The following KCNAB1 variants were observed in gnomAD, a reference collection of about 807,000 sequenced individuals.
The protein encoded by KCNAB1 is voltage-gated potassium channel subunit beta-1.
In KCNAB1, 35 loss-of-function variants were observed where a neutral mutation model predicts 64.6. That is an observed-to-expected ratio of 0.54 (90% confidence interval 0.41 to 0.72). The LOEUF (loss-of-function observed/expected upper bound fraction) is 0.72. Ranked by LOEUF, KCNAB1 falls within the 30% of genes least tolerant of loss-of-function variation. The pLI is 0.00. For synonymous variants in KCNAB1, 177 were observed against 183.8 expected (o/e 0.96, Z 0.30); for missense variants, 401 against 512.9 (o/e 0.78, Z 2.11).
chr3:156,321,361 G>T (rs184009842), intron 1 of KCNAB1, among the ~76,000 whole-genome samples: 6 of 152,284 alleles, frequency 3.9e-5, no homozygotes, highest in African/African-American at 1.4e-4. Flanking sequence ...TTATGTGCAA[G>T]ATGGGTAATA....
chr3:156,264,373 G>T (rs888558973), intron 1 of KCNAB1, among the ~76,000 whole-genome samples: 1 of 151,812 alleles, frequency 6.6e-6, no homozygotes, highest in Non-Finnish European at 1.5e-5. Flanking sequence ...GACTATGAAG[G>T]TTTAATGCAT....
chr3:156,193,925 C>T (rs1342037607), intron 1 of KCNAB1, among the ~76,000 whole-genome samples: 6 of 152,120 alleles, frequency 3.9e-5, no homozygotes, highest in Non-Finnish European at 7.4e-5. Context: ...GTAACTTCAT[C>T]ATAAGTTGAA....
chr3:156,237,217 T>C (rs373508335), intron 1 of KCNAB1, among the ~76,000 whole-genome samples: 1 of 152,224 alleles, frequency 6.6e-6, no homozygotes, highest in East Asian at 1.9e-4. Flanking sequence ...AGCATGAAAT[T>C]TTCAGTCCAG....
intron 1 of KCNAB1, among the ~76,000 whole-genome samples, chr3:156,193,156 A>G (rs1713670973): frequency 6.6e-6 from 1 of 151,802 alleles, no homozygotes; most frequent in African/African-American, 2.4e-5. Flanking sequence ...TTTATTAGTT[A>G]TAACTCTATT....
At chr3:156,296,947 G>A (rs180944992) in intron 1 of KCNAB1, among the ~76,000 whole-genome samples, 1 of 152,280 alleles carries the variant, frequency 6.6e-6, no homozygotes, top group Admixed American at 6.5e-5. Context: ...CCAGGAAATT[G>A]ATGATCCATA....
At position 156,538,025 on chromosome 3, in the gene KCNAB1, C is replaced by G. The variant is rs147919677; in HGVS notation, c.*1278C>G. 4.6e-5 allele frequency: 7 copies of G among 152,276 alleles called. No homozygotes were observed. The highest frequency in any genetic ancestry group is 3.9e-4 in the East Asian group (2 of 5,192). 9.4% of individuals were successfully genotyped at this position (152,276 alleles called of 1,614,324 possible). A position where few individuals can be genotyped will look rare whatever the true frequency, so the allele number is the denominator to read the frequency against. On this transcript the variant is annotated 3_prime_UTR_variant, in exon 14 of 14. Coordinates refer to ENST00000490337, the MANE Select transcript of KCNAB1 (RefSeq NM_172160.3). ...TAATGGGGCTTACCCTTGTTGCACTCGAAATCTGAGGTGTATCTAGCCCTG... is the reference window on the plus strand; with the variant it reads ...TAATGGGGCTTACCCTTGTTGCACTGGAAATCTGAGGTGTATCTAGCCCTG...
intron 1 of KCNAB1, among the ~76,000 whole-genome samples, chr3:156,290,329 A>G (rs772994033): frequency 2.0e-5 from 3 of 152,148 alleles, no homozygotes; most frequent in Non-Finnish European, 2.9e-5. Flanking sequence ...GTATTCAGAA[A>G]TATTGTTGCG....
At chr3:156,385,431 G>C (rs889079302) in intron 1 of KCNAB1, among the ~76,000 whole-genome samples, 1 of 135,660 alleles carries the variant, frequency 7.4e-6, no homozygotes, top group Non-Finnish European at 1.5e-5. Context: ...GGAGGATCTT[G>C]TTGGATGGAA....
At chr3:156,223,633 GC>G (rs1715938280) in intron 1 of KCNAB1, among the ~76,000 whole-genome samples, 2 of 152,170 alleles carry the variant, frequency 1.3e-5, no homozygotes, top group African/African-American at 4.8e-5. Context: ...CAATCCCTTA[GC>G]TAGACATAAA....
chr3:156,134,549 C>G (rs115348016), intron 1 of KCNAB1, among the ~76,000 whole-genome samples: 106 of 152,270 alleles, frequency 7.0e-4, no homozygotes, highest in African/African-American at 2.4e-3. Context: ...TGTGTTTTAT[C>G]TGGAAAGGTT....
chr3:156,126,366 G>C (rs1257319052), intron 1 of KCNAB1, among the ~76,000 whole-genome samples: 1 of 152,130 alleles, frequency 6.6e-6, no homozygotes, highest in Non-Finnish European at 1.5e-5. Flanking sequence ...GAGTATGATA[G>C]TTGAAGTCTG....
chr3:156,188,304 C>T (rs1713334684), intron 1 of KCNAB1, among the ~76,000 whole-genome samples: 1 of 151,794 alleles, frequency 6.6e-6, no homozygotes, highest in African/African-American at 2.4e-5. Context: ...AATTCATTCC[C>T]CCAGAAATTA....
chr3:156,356,676 A>G (rs568628425), intron 1 of KCNAB1, among the ~76,000 whole-genome samples: 2 of 152,324 alleles, frequency 1.3e-5, no homozygotes, highest in African/African-American at 4.8e-5. Context: ...AGTTAAATCT[A>G]CAGTTATCTT....
At chr3:156,252,981 A>G (rs887484652) in intron 1 of KCNAB1, among the ~76,000 whole-genome samples, 3 of 152,224 alleles carry the variant, frequency 2.0e-5, no homozygotes, top group African/African-American at 7.2e-5. Flanking sequence ...GAGATTTAAA[A>G]TTAGGCTTAG....
chr3:156,197,440 G>A (rs945120138), intron 1 of KCNAB1, among the ~76,000 whole-genome samples: 7 of 152,106 alleles, frequency 4.6e-5, no homozygotes, highest in African/African-American at 1.7e-4. Flanking sequence ...CTGGTCCTGG[G>A]CTTTTTTTGG....
intron 1 of KCNAB1, among the ~76,000 whole-genome samples, chr3:156,171,313 T>A (rs1277832818): frequency 6.6e-6 from 1 of 152,038 alleles, no homozygotes; most frequent in Non-Finnish European, 1.5e-5. Context: ...TCTATATTGG[T>A]TTCTCTCTTC....
intron 2 of KCNAB1, among the ~76,000 whole-genome samples, chr3:156,444,724 C>A (rs1717273571): frequency 6.6e-6 from 1 of 152,176 alleles, no homozygotes; most frequent in South Asian, 2.1e-4. Context: ...CCCCTCAGGC[C>A]AGATTTCTAA....
chr3:156,285,329 G>A (rs1720038865), intron 1 of KCNAB1, among the ~76,000 whole-genome samples: 1 of 152,084 alleles, frequency 6.6e-6, no homozygotes, highest in South Asian at 2.1e-4. Context: ...ATAAGACAAT[G>A]GCAAAAATTA....
At chr3:156,182,744 G>C (rs1308156579) in intron 1 of KCNAB1, among the ~76,000 whole-genome samples, 1 of 149,458 alleles carries the variant, frequency 6.7e-6, no homozygotes, top group African/African-American at 2.5e-5. Context: ...GTTGCCCGGG[G>C]TTGGAGTGCA....
Sources: gnomAD v4.1 joint callset for allele counts (sites outside exome capture counted in the v4.1 genomes callset) on GRCh38, gnomAD v4.1.1 for gene constraint, MANE v1.5 for transcripts, NCBI Gene and HGNC (gene_info 2026-07-23, HGNC 2026-07-21) for gene names.